The following ROBO1 variants were observed in gnomAD, a reference collection of about 807,000 sequenced individuals.
ROBO1 encodes roundabout homolog 1.
ROBO1 carries 149 observed loss-of-function variants against 195.9 expected under a neutral mutation model. That is an observed-to-expected ratio of 0.76 (90% CI 0.67 to 0.87). The LOEUF (loss-of-function observed/expected upper bound fraction) is 0.87, where lower values mean the gene tolerates loss of function less well. Ranked by LOEUF, ROBO1 falls within the 40% of genes least tolerant of loss-of-function variation. ROBO1 has a pLI of 0.00. For missense variants in ROBO1, 1,933 were observed against 2,068.3 expected, an observed-to-expected ratio of 0.93 and a Z score of 1.27; for synonymous variants, 816 against 733.2, an observed-to-expected ratio of 1.11 and a Z score of -1.82.
At chr3:79,395,321 C>CAA (rs71631647) in intron 2 of ROBO1, among the ~76,000 whole-genome samples, 95 of 49,970 alleles carry the variant, frequency 1.9e-3, no homozygotes, top group African/African-American at 3.3e-3. Context: ...GACTCCGTCT[C>CAA]AAAAAAAAAA....
chr3:78,990,235 G>A (rs974747845), intron 3 of ROBO1, among the ~76,000 whole-genome samples: 1 of 152,094 alleles, frequency 6.6e-6, no homozygotes, highest in East Asian at 1.9e-4. Context: ...TGCCATTTTG[G>A]TCATACTGAA....
At chr3:78,810,556 T>G (rs769506638) in intron 4 of ROBO1, among the ~76,000 whole-genome samples, 17 of 152,152 alleles carry the variant, frequency 1.1e-4, no homozygotes, top group Admixed American at 2.6e-4. Flanking sequence ...TAACACAGTA[T>G]GCATTTTATT....
At chr3:78,985,887 A>G (rs1230456934) in intron 3 of ROBO1, among the ~76,000 whole-genome samples, 1 of 152,216 alleles carries the variant, frequency 6.6e-6, no homozygotes, top group African/African-American at 2.4e-5. Context: ...GTCAAATATC[A>G]GCTATACAGA....
chr3:79,019,052 A>T (rs2078035456), intron 3 of ROBO1: 1 of 989,404 alleles, frequency 1.0e-6, no homozygotes, highest in Non-Finnish European at 1.2e-6. Flanking sequence ...AGAGCGAGCG[A>T]GGGGGCGGTG....
At position 79,230,536 on chromosome 3, in the gene ROBO1, A is replaced by C. The variant is rs555265986; in HGVS notation, c.89-104997T>G. ...TAAAGTAAGCAAAGACTAAAAAAAA[A>C]ATGTTTACACTGGCCTAGGGAGGTG... On this transcript the variant is annotated intron_variant, in intron 2 of 30. Transcript: ENST00000464233. 4.7e-4 allele frequency among the ~76,000 whole-genome samples: 71 copies of C among 152,178 alleles called. 1 individual carries two copies. The highest frequency in any genetic ancestry group is 1.7e-3 in the African/African-American group (69 of 41,528).
chr3:79,395,846 G>T (rs2037136033), intron 2 of ROBO1, among the ~76,000 whole-genome samples: 1 of 151,830 alleles, frequency 6.6e-6, no homozygotes, highest in Non-Finnish European at 1.5e-5. Context: ...TGGATACACA[G>T]TTTTTTTCTG....
At chr3:79,721,600 T>A (rs1702706066) in intron 1 of ROBO1, among the ~76,000 whole-genome samples, 1 of 152,210 alleles carries the variant, frequency 6.6e-6, no homozygotes, top group Non-Finnish European at 1.5e-5. Context: ...AACAGACCTT[T>A]GAAAATATCA....
At chr3:78,769,618 G>GTTTTTT (rs34157314) in intron 4 of ROBO1, among the ~76,000 whole-genome samples, 3 of 84,006 alleles carry the variant, frequency 3.6e-5, no homozygotes, top group Admixed American at 1.3e-4. Context: ...GTGTACTTTG[G>GTTTTTT]TTTTTTTTTT....
At position 79,686,008 on chromosome 3, in the gene ROBO1, A is replaced by C. The variant is rs1036746247; in HGVS notation, c.-51+81744T>G. On this transcript the variant is annotated intron_variant, in intron 1 of 30. Transcript: ENST00000464233. ...GGCAAACTGAATCCAGCAGCACATCAAAAAGCTTATCCACCATGATCAAGT... is the reference window on the plus strand; with the variant it reads ...GGCAAACTGAATCCAGCAGCACATCCAAAAGCTTATCCACCATGATCAAGT... 2.6e-5 allele frequency among the ~76,000 whole-genome samples: 4 copies of C among 152,208 alleles called. No homozygotes were observed. The East Asian group carries it at 7.7e-4, about 29-fold the overall frequency.
chr3:79,222,620 T>C (rs147456157), intron 2 of ROBO1, among the ~76,000 whole-genome samples: 1 of 151,628 alleles, frequency 6.6e-6, no homozygotes, highest in African/African-American at 2.4e-5. Flanking sequence ...TTGTAAAAGA[T>C]CTTTAAAAAA....
intron 10 of ROBO1, among the ~76,000 whole-genome samples, chr3:78,674,060 G>GT (rs1288976602): frequency 6.6e-6 from 1 of 152,010 alleles, no homozygotes; most frequent in Non-Finnish European, 1.5e-5. Context: ...TTTGCACTAT[G>GT]TATCTATAAA....
chr3:79,158,976 GAAGAT>G (rs1398824486), intron 2 of ROBO1, among the ~76,000 whole-genome samples: 8 of 152,044 alleles, frequency 5.3e-5, no homozygotes, highest in African/African-American at 1.4e-4. Flanking sequence ...TCTTTGGAAA[GAAGAT>G]AAGATATTAA....
chr3:79,462,849 G>T (rs1453028632), intron 2 of ROBO1, among the ~76,000 whole-genome samples: 1 of 152,078 alleles, frequency 6.6e-6, no homozygotes, highest in Non-Finnish European at 1.5e-5. Context: ...GTGGTGTATT[G>T]CCACCTTTGA....
At chr3:78,740,063 G>C (rs1472250250) in intron 5 of ROBO1, among the ~76,000 whole-genome samples, 8 of 152,146 alleles carry the variant, frequency 5.3e-5, no homozygotes, top group Non-Finnish European at 1.2e-4. Flanking sequence ...TAACTGACAA[G>C]ATTGTTGGCA....
At chr3:79,732,858 T>A (rs1376276058) in intron 1 of ROBO1, among the ~76,000 whole-genome samples, 1 of 152,194 alleles carries the variant, frequency 6.6e-6, no homozygotes, top group Non-Finnish European at 1.5e-5. Context: ...CCTCTTTGAT[T>A]AGCTTACATT....
At chr3:79,576,945 C>G (rs1404112534) in intron 2 of ROBO1, among the ~76,000 whole-genome samples, 1 of 152,144 alleles carries the variant, frequency 6.6e-6, no homozygotes, top group Non-Finnish European at 1.5e-5. Flanking sequence ...CCATCTATAA[C>G]AATAACACTT....
intron 3 of ROBO1, among the ~76,000 whole-genome samples, chr3:79,036,293 T>C (rs1281900578): frequency 6.6e-6 from 1 of 152,158 alleles, no homozygotes; most frequent in Non-Finnish European, 1.5e-5. Flanking sequence ...TTTATCTTTA[T>C]TTGGATGAAT....
chr3:79,068,063 C>T (rs567765363), intron 3 of ROBO1, among the ~76,000 whole-genome samples: 3 of 151,956 alleles, frequency 2.0e-5, no homozygotes, highest in Non-Finnish European at 4.4e-5. Context: ...AGATTGAAGA[C>T]ACAGTCTTTT....
At chr3:79,225,365 T>C (rs1357499841) in intron 2 of ROBO1, among the ~76,000 whole-genome samples, 1 of 152,182 alleles carries the variant, frequency 6.6e-6, no homozygotes. Context: ...ACCAAGATTG[T>C]CTAGTTAATG....
Sources: allele counts gnomAD v4.1 joint callset (sites outside exome capture counted in the v4.1 genomes callset), GRCh38; gene constraint gnomAD v4.1.1; transcripts MANE v1.5; gene names NCBI Gene and HGNC (gene_info 2026-07-23, HGNC 2026-07-21).